The following PPP1R9A variants were observed in gnomAD, a reference collection of about 807,000 sequenced individuals.
PPP1R9A encodes the protein protein phosphatase 1 regulatory subunit 9A, also known as neurabin-1.
In PPP1R9A, 59 loss-of-function variants were observed where a neutral mutation model predicts 141.9. The observed-to-expected ratio is 0.42, with a 90% CI of 0.34 to 0.52. The LOEUF (loss-of-function observed/expected upper bound fraction) is 0.52. Among genes scored for constraint, PPP1R9A ranks in the 20% least tolerant of loss-of-function variants. PPP1R9A has a pLI of 0.10. For missense variants in PPP1R9A, 1,444 were observed against 1,611.9 expected (o/e 0.90, Z 1.78); for synonymous variants, 500 against 569.7 (o/e 0.88, Z 1.74).
intron 2 of PPP1R9A, among the ~76,000 whole-genome samples, chr7:95,070,598 T>TATATAA (rs1813658838): frequency 8.1e-6 from 1 of 124,000 alleles, no homozygotes; most frequent in African/African-American, 2.8e-5. Context: ...CTCTGGTATA[T>TATATAA]ATATATATAT....
intron 2 of PPP1R9A, among the ~76,000 whole-genome samples, chr7:94,911,907 A>G (rs1188471897): frequency 3.3e-5 from 5 of 152,208 alleles, no homozygotes; most frequent in Admixed American, 6.5e-5. Flanking sequence ...GGTATGAAGT[A>G]TAATGTACAA....
At chr7:94,975,473 C>T (rs1475855118) in intron 2 of PPP1R9A, among the ~76,000 whole-genome samples, 1 of 146,802 alleles carries the variant, frequency 6.8e-6, no homozygotes, top group South Asian at 2.3e-4. Context: ...TAAACATATT[C>T]AGAAATGCTG....
chr7:95,150,413 C>T (rs1828444329), intron 4 of PPP1R9A, among the ~76,000 whole-genome samples: 1 of 152,162 alleles, frequency 6.6e-6, no homozygotes, highest in African/African-American at 2.4e-5. Flanking sequence ...AGCAATTCTC[C>T]TGCCTCAGCC....
intron 2 of PPP1R9A, among the ~76,000 whole-genome samples, chr7:95,008,649 G>A (rs565420196): frequency 2.6e-5 from 4 of 152,270 alleles, no homozygotes; most frequent in South Asian, 2.1e-4. Flanking sequence ...AGAGGTAAAC[G>A]TGTAAAAGGA....
At chr7:95,202,836 C>T (rs541281852) in intron 6 of PPP1R9A, among the ~76,000 whole-genome samples, 2 of 152,040 alleles carry the variant, frequency 1.3e-5, no homozygotes, top group African/African-American at 2.4e-5. Context: ...ACTGGAAATA[C>T]AGTATGAACT....
At chr7:94,932,356 T>A (rs567961305) in intron 2 of PPP1R9A, among the ~76,000 whole-genome samples, 20 of 152,226 alleles carry the variant, frequency 1.3e-4, no homozygotes, top group Non-Finnish European at 2.6e-4. Context: ...GTTTAGATGA[T>A]CTATCTAGAT....
intron 2 of PPP1R9A, among the ~76,000 whole-genome samples, chr7:95,021,646 A>G (rs988760792): frequency 5.3e-5 from 8 of 152,116 alleles, no homozygotes; most frequent in African/African-American, 1.9e-4. Flanking sequence ...TAATGTTTGT[A>G]TAAGATGTAA....
chr7:95,046,682 G>A (rs1471723781), intron 2 of PPP1R9A, among the ~76,000 whole-genome samples: 4 of 152,110 alleles, frequency 2.6e-5, no homozygotes, highest in Non-Finnish European at 4.4e-5. Flanking sequence ...TTAGCTATGG[G>A]GACATCAGCT....
intron 2 of PPP1R9A, among the ~76,000 whole-genome samples, chr7:95,009,010 A>G (rs1024359900): frequency 6.6e-6 from 1 of 152,206 alleles, no homozygotes; most frequent in Non-Finnish European, 1.5e-5. Context: ...AGGGACATGG[A>G]TGAAGCTGGA....
rs1791293931 is a variant in PPP1R9A, at chr7:94,910,161, C to G, written c.48C>G (p.Ala16=). 1 of 1,613,796 alleles carries G rather than the reference C, an allele frequency of 6.2e-7. No homozygotes were observed. The highest frequency in any genetic ancestry group is 8.5e-7 in the Non-Finnish European group (1 of 1,179,948). Residue 16 remains alanine (A), a synonymous_variant, in exon 2 of 20, where the codon GCC becomes GCG. Transcript: ENST00000433360. This position sits in a 1 kb window ranked among gnomAD's most constrained non-coding sequence, Gnocchi z 4.5. ...GTGAACGAACCACTCTCAGAAGTGC[C>G]TCTCCTCACAGGAATGCATATCGAA... The part of the protein sequence containing the change: ...SSGERTTLRS[A]SPHRNAYRTE...
intron 2 of PPP1R9A, among the ~76,000 whole-genome samples, chr7:95,020,834 G>C (rs576535225): frequency 6.6e-5 from 10 of 152,116 alleles, no homozygotes; most frequent in Admixed American, 2.6e-4. Context: ...ATAGTATTCC[G>C]TGGTGTATAT....
chr7:95,085,421 GTT>G (rs113775726), intron 2 of PPP1R9A, among the ~76,000 whole-genome samples: 12,847 of 126,838 alleles, frequency 0.1, 900 homozygotes, highest in African/African-American at 0.22. Context: ...AAAATTTTTG[GTT>G]TTTTTTTTTT....
chr7:94,920,900 T>G (rs188260655), intron 2 of PPP1R9A, among the ~76,000 whole-genome samples: 1 of 152,308 alleles, frequency 6.6e-6, no homozygotes. Flanking sequence ...TATAGTAAGA[T>G]GGTCTTTTCT....
intron 12 of PPP1R9A, among the ~76,000 whole-genome samples, chr7:95,252,985 C>G (rs116087149): frequency 6.6e-6 from 1 of 152,318 alleles, no homozygotes; most frequent in African/African-American, 2.4e-5. Flanking sequence ...TGATTATCTT[C>G]ATTCATACAC....
rs1189594255 is a variant in PPP1R9A at position 95,070,612 on chromosome 7, C to CATATATATATATATAT, written c.1396-40646_1396-40645insTATATATATATATATA. ...TCTCTGGTATATATATATATATATA[C>CATATATATATATATAT]ACACACACACACATATATATAAGGT... is the stretch of plus-strand genomic sequence containing the variant. On this transcript the variant is annotated intron_variant, in intron 2 of 19. Coordinates refer to ENST00000433360, the MANE Select transcript of PPP1R9A (RefSeq NM_001166160.2). 1.5e-3 allele frequency among the ~76,000 whole-genome samples: 117 copies of CATATATATATATATAT among 79,858 alleles called. 1 individual carries two copies. Among genetic ancestry groups the CATATATATATATATAT allele is most frequent in the African/African-American group, 5.1e-3 (113 of 22,080 alleles). The allele number at this position is 79,858 out of a possible 152,430, so 52.4% of individuals were successfully genotyped here.
Position 95,295,064 on chromosome 7 carries a change from C to A in PPP1R9A, c.*4761C>A, listed in dbSNP as rs1563585708. The stretch of plus-strand genomic sequence containing the variant: ...GATAACTTCTCAACAATGTGCATGC[C>A]GTTTGTGTAGATGTTCAGAACTACA... On this transcript the variant is annotated 3_prime_UTR_variant, in exon 20 of 20. Transcript: ENST00000433360. 6.6e-6 allele frequency: 1 copy of A among 152,478 alleles called. No individual in the cohort carries two copies. Among genetic ancestry groups the A allele is most frequent in the Non-Finnish European group, 1.5e-5 (1 of 68,016 alleles). The allele number at this position is 152,478 out of a possible 1,614,324, so 9.4% of individuals were successfully genotyped here.
At chr7:95,280,567 A>G (rs1433231252) in intron 16 of PPP1R9A, among the ~76,000 whole-genome samples, 1 of 152,206 alleles carries the variant, frequency 6.6e-6, no homozygotes, top group Non-Finnish European at 1.5e-5. Flanking sequence ...TACCTCTGAA[A>G]TGGTATCTTT....
intron 4 of PPP1R9A, among the ~76,000 whole-genome samples, chr7:95,130,944 G>A (rs764055747): frequency 7.7e-4 from 118 of 152,288 alleles, no homozygotes; most frequent in Non-Finnish European, 1.5e-3. Context: ...ATAGGCAGAA[G>A]GGACTTGCCT....
intron 2 of PPP1R9A, among the ~76,000 whole-genome samples, chr7:94,916,013 A>C (rs933741043): frequency 6.6e-6 from 1 of 152,056 alleles, no homozygotes; most frequent in African/African-American, 2.4e-5. Context: ...TCTATAAGTA[A>C]ATCTCATTCA....
Sources: gnomAD v4.1 joint callset for allele counts (sites outside exome capture counted in the v4.1 genomes callset) on GRCh38, gnomAD v4.1.1 for gene constraint, Gnocchi (gnomAD v3.1) non-coding constraint, MANE v1.5 for transcripts, NCBI Gene and HGNC (gene_info 2026-07-23, HGNC 2026-07-21) for gene names.